KTN1: variants seen among roughly 807,000 people sequenced by gnomAD.
The protein encoded by KTN1 is kinectin 1.
Under a neutral mutation model 222.5 loss-of-function variants are expected in KTN1, and 130 were observed. That is an observed-to-expected ratio of 0.58 (90% CI 0.51 to 0.68). KTN1 has a LOEUF of 0.68. KTN1 is among the 30% of genes least tolerant of loss of function. The pLI is 0.00. For synonymous variants in KTN1, 512 were observed against 496.3 expected (o/e 1.03, Z -0.42); for missense variants, 1,508 against 1,500.4 (o/e 1.01, Z -0.08).
rs114261191 is a variant in KTN1 at position 55,629,917 on chromosome 14, T to C, written c.1081-40T>C. The C allele has an allele frequency of 1.5e-4, 199 of 1,321,362 alleles. No individual in the cohort carries two copies. In the African/African-American group the frequency reaches 2.3e-3, roughly 15 times the overall value. 81.9% of individuals were successfully genotyped at this position (1,321,362 alleles called of 1,614,324 possible). A position where few individuals can be genotyped will look rare whatever the true frequency, so the allele number is the denominator to read the frequency against. The stretch of plus-strand genomic sequence containing the variant: ...CATTGTTGCAGGCTTATGATACTTA[T>C]TAAATAACAAGTTTTTAAATTTCTG... On this transcript the variant is annotated intron_variant, in intron 6 of 43. Coordinates refer to ENST00000395314, the MANE Select transcript of KTN1 (RefSeq NM_001079521.2).
In KTN1 at chr14:55,642,739, C is replaced by T. The variant is rs545741263; in HGVS notation, c.2172+979C>T. Among the ~76,000 whole-genome samples, 32 of 152,206 alleles carry T rather than the reference C, an allele frequency of 2.1e-4. 1 individual carries two copies. The South Asian group carries it at 6.4e-3, about 31-fold the overall frequency. On this transcript the variant is annotated intron_variant, in intron 18 of 43. Coordinates refer to ENST00000395314, the MANE Select transcript of KTN1 (RefSeq NM_001079521.2). ...TGTGCCTCTGGAAGTATTTTGTTAA[C>T]TTGTCAAGAAATAATCCATTTATTC...
At chr14:55,644,765 T>C (rs918791216) in intron 18 of KTN1, among the ~76,000 whole-genome samples, 3 of 152,100 alleles carry the variant, frequency 2.0e-5, no homozygotes, top group Admixed American at 6.6e-5. Context: ...TTGGAAATCA[T>C]CTAGGGGAGG....
intron 1 of KTN1, among the ~76,000 whole-genome samples, chr14:55,596,129 T>C (rs2034984039): frequency 8.3e-6 from 1 of 121,082 alleles, no homozygotes; most frequent in Admixed American, 1.0e-4. Flanking sequence ...CACTCCAGCA[T>C]GGGCGACAGA....
chr14:55,610,228 C>G (rs970153772), intron 1 of KTN1, among the ~76,000 whole-genome samples: 1 of 152,048 alleles, frequency 6.6e-6, no homozygotes, highest in Non-Finnish European at 1.5e-5. Context: ...GCTTCAGGAC[C>G]CCTGTGTATA....
chr14:55,619,962 A>T (rs142332843), intron 5 of KTN1, among the ~76,000 whole-genome samples: 2,824 of 152,316 alleles, frequency 0.019, 88 homozygotes, highest in African/African-American at 0.065. Context: ...AGACAAGGCA[A>T]GTCCCTTCCG....
chr14:55,588,627 C>A (rs937718424), intron 1 of KTN1, among the ~76,000 whole-genome samples: 5 of 152,132 alleles, frequency 3.3e-5, no homozygotes, highest in Non-Finnish European at 7.4e-5. Context: ...GTAATACCAA[C>A]AGGAGGTGGC....
At position 55,673,014 on chromosome 14, in the gene KTN1, T is replaced by C. The variant is rs2045580535; in HGVS notation, c.3687+2T>C. 3 of 1,603,628 alleles carry C rather than the reference T, an allele frequency of 1.9e-6. No individual in the cohort carries two copies. The highest frequency in any genetic ancestry group is 1.7e-5 in the Admixed American group (1 of 59,872). On this transcript the variant is annotated splice_donor_variant, in intron 39 of 43. Transcript: ENST00000395314. LOFTEE classifies it high-confidence loss of function. Reference sequence around the variant, plus strand: ...ACCTATGTTACAGAAGTCAGAGAGGTACTTACAACAGAATCTTTTCAAACT... The same window carrying C: ...ACCTATGTTACAGAAGTCAGAGAGGCACTTACAACAGAATCTTTTCAAACT...
At chr14:55,587,670 T>A (rs2033295065) in intron 1 of KTN1, among the ~76,000 whole-genome samples, 1 of 152,200 alleles carries the variant, frequency 6.6e-6, no homozygotes, top group Non-Finnish European at 1.5e-5. Flanking sequence ...TACGTAGTTT[T>A]CATAATCTGG....
In KTN1 at chr14:55,616,769, A is replaced by T. The variant is rs1191671624; in HGVS notation, c.661+115A>T. The T allele has an allele frequency of 1.1e-5, 8 of 759,658 alleles. No individual in the cohort carries two copies. The East Asian group carries it at 2.3e-4, about 22-fold the overall frequency. 47.1% of individuals were successfully genotyped at this position (759,658 alleles called of 1,614,324 possible). A position where few individuals can be genotyped will look rare whatever the true frequency, so the allele number is the denominator to read the frequency against. On this transcript the variant is annotated intron_variant, in intron 3 of 43. Transcript: ENST00000395314. ...CCCAGTTTAATGTGTGCTAATGACA[A>T]CTGTAATACTAATGCAGGTCTAAAA... is the stretch of plus-strand genomic sequence containing the variant.
At chr14:55,647,462 T>G (rs992688780) in intron 19 of KTN1, among the ~76,000 whole-genome samples, 6 of 149,264 alleles carry the variant, frequency 4.0e-5, no homozygotes, top group Non-Finnish European at 8.9e-5. Context: ...TGGCAAACCC[T>G]GTCTGTACCA....
chr14:55,632,067 A>G (rs914484031), intron 7 of KTN1, among the ~76,000 whole-genome samples: 1 of 152,160 alleles, frequency 6.6e-6, no homozygotes, highest in Non-Finnish European at 1.5e-5. Context: ...TGCTGTTTTC[A>G]TGTTCTTACC....
intron 33 of KTN1, among the ~76,000 whole-genome samples, chr14:55,664,894 C>T (rs1270012316): frequency 6.6e-6 from 1 of 151,868 alleles, no homozygotes; most frequent in African/African-American, 2.4e-5. Context: ...AATTTTAGCA[C>T]TATGAAAATA....
At chr14:55,614,764 A>G (rs926939488) in intron 2 of KTN1, among the ~76,000 whole-genome samples, 1 of 152,206 alleles carries the variant, frequency 6.6e-6, no homozygotes, top group Non-Finnish European at 1.5e-5. Flanking sequence ...ATGTCCTATA[A>G]GGTCTAAAGT....
chr14:55,607,309 A>G (rs1209796402), intron 1 of KTN1: 1 of 152,218 alleles, frequency 6.6e-6, no homozygotes, highest in East Asian at 1.9e-4. Context: ...CACGACTTAC[A>G]TATTATGCGT....
chr14:55,601,668 T>C (rs962363047), intron 1 of KTN1: 1 of 152,252 alleles, frequency 6.6e-6, no homozygotes, highest in East Asian at 1.9e-4. Context: ...AAATGGAATA[T>C]ACTTACAAAC....
chr14:55,633,512 C>T (rs2040763456), intron 8 of KTN1, among the ~76,000 whole-genome samples, 171 bp downstream of exon 8: 2 of 151,480 alleles, frequency 1.3e-5, no homozygotes, highest in African/African-American at 4.9e-5. Flanking sequence ...AGAACTTCTT[C>T]AGTTATACAT....
chr14:55,585,297 T>C (rs991052886), intron 1 of KTN1, among the ~76,000 whole-genome samples: 3 of 152,184 alleles, frequency 2.0e-5, no homozygotes, highest in Middle Eastern at 3.2e-3. Context: ...GAAGGAATGA[T>C]GTTAGAGTGT....
At chr14:55,671,683 T>G in intron 36 of KTN1, 28 bp downstream of exon 36, 2 of 1,573,364 alleles carry the variant, frequency 1.3e-6, no homozygotes, top group Non-Finnish European at 1.7e-6. Context: ...ATCTACATTT[T>G]GATTTTACTT....
intron 34 of KTN1, chr14:55,667,892 TAG>T (rs1197400811): frequency 1.3e-5 from 2 of 149,748 alleles, no homozygotes; most frequent in South Asian, 4.3e-4. Flanking sequence ...TTTCCTAAAA[TAG>T]AGTGTAGGGT....
Sources: gnomAD v4.1 joint callset for allele counts (sites outside exome capture counted in the v4.1 genomes callset) on GRCh38, gnomAD v4.1.1 for gene constraint, MANE v1.5 for transcripts, NCBI Gene and HGNC (gene_info 2026-07-23, HGNC 2026-07-21) for gene names.